The following PAK5 variants were observed in gnomAD, a reference collection of about 807,000 sequenced individuals.
The protein encoded by PAK5 is serine/threonine-protein kinase PAK 5.
In PAK5, 16 loss-of-function variants were observed where a neutral mutation model predicts 65.9. The observed-to-expected ratio is 0.24, with a 90% CI of 0.16 to 0.37. The LOEUF is 0.37. Ranked by LOEUF, PAK5 falls within the 10% of genes least tolerant of loss-of-function variation. PAK5 has a pLI of 1.00. For synonymous variants in PAK5, 371 were observed against 354.9 expected (o/e 1.05, Z -0.51); for missense variants, 785 against 903.9 (o/e 0.87, Z 1.69).
intron 3 of PAK5, among the ~76,000 whole-genome samples, chr20:9,588,303 G>A (rs144454620): frequency 1.3e-5 from 2 of 152,338 alleles, no homozygotes; most frequent in East Asian, 1.9e-4. Flanking sequence ...ACTAAGGCAT[G>A]TCCTAAGACA....
intron 2 of PAK5, among the ~76,000 whole-genome samples, chr20:9,644,650 G>A (rs888470701): frequency 6.6e-6 from 1 of 152,158 alleles, no homozygotes; most frequent in African/African-American, 2.4e-5. Flanking sequence ...GTTTTTGAAG[G>A]CATTGTATGT....
At chr20:9,818,261 A>T (rs573683029) in intron 1 of PAK5, among the ~76,000 whole-genome samples, 1 of 152,272 alleles carries the variant, frequency 6.6e-6, no homozygotes, top group South Asian at 2.1e-4. Flanking sequence ...GAATCCCATT[A>T]GGTCAGTTTA....
intron 1 of PAK5, among the ~76,000 whole-genome samples, chr20:9,809,338 T>TTTA (rs1317074275): frequency 6.6e-6 from 1 of 150,724 alleles, no homozygotes; most frequent in East Asian, 1.9e-4. Context: ...AATCCAAATT[T>TTTA]TTTTTTTTTT....
intron 1 of PAK5, among the ~76,000 whole-genome samples, chr20:9,777,058 AT>A (rs2048894530): frequency 6.6e-6 from 1 of 152,208 alleles, no homozygotes; most frequent in East Asian, 1.9e-4. Flanking sequence ...ATCTCTGAGA[AT>A]TTAACATTTC....
chr20:9,641,545 G>A (rs946822324), intron 3 of PAK5, among the ~76,000 whole-genome samples: 31 of 151,480 alleles, frequency 2.0e-4, no homozygotes, highest in Middle Eastern at 3.4e-3. Flanking sequence ...ATCCCGCACC[G>A]GGGCTGCAGG....
chr20:9,551,355 G>T (rs2045424858), intron 7 of PAK5, among the ~76,000 whole-genome samples: 1 of 152,136 alleles, frequency 6.6e-6, no homozygotes, highest in Admixed American at 6.5e-5. Flanking sequence ...CTAGTATGTT[G>T]TCCGCCCCCT....
intron 1 of PAK5, among the ~76,000 whole-genome samples, chr20:9,771,542 G>A (rs1421026834): frequency 6.6e-6 from 1 of 150,692 alleles, no homozygotes; most frequent in Non-Finnish European, 1.5e-5. Flanking sequence ...CAAGGAGCTG[G>A]GACTACAGGT....
chr20:9,662,318 G>C (rs991609394), intron 2 of PAK5, among the ~76,000 whole-genome samples: 7 of 152,040 alleles, frequency 4.6e-5, no homozygotes, highest in African/African-American at 1.7e-4. Context: ...CTAACAAGAA[G>C]ACTACCTAAA....
At chr20:9,566,592 T>C (rs1390567875) in intron 4 of PAK5, among the ~76,000 whole-genome samples, 1 of 151,956 alleles carries the variant, frequency 6.6e-6, no homozygotes, top group Non-Finnish European at 1.5e-5. Flanking sequence ...ACTTCACGTG[T>C]GTCATATCTA....
chr20:9,766,333 A>AATAT (rs1170764064), intron 1 of PAK5, among the ~76,000 whole-genome samples: 1 of 25,956 alleles, frequency 3.9e-5, no homozygotes, highest in Non-Finnish European at 6.4e-5. Context: ...TACTTACTTG[A>AATAT]ATATATATAT....
rs149341974 is a variant in PAK5, at chr20:9,730,014, AGAG to A, written c.-161-18582_-161-18580del. 6.8e-3 allele frequency among the ~76,000 whole-genome samples: 734 copies of A among 108,112 alleles called. 6 individuals are homozygous for A. Among genetic ancestry groups the A allele is most frequent in the African/African-American group, 0.024 (617 of 25,782 alleles). 70.9% of individuals were successfully genotyped at this position (108,112 alleles called of 152,430 possible). On this transcript the variant is annotated intron_variant, in intron 1 of 9. Coordinates refer to ENST00000353224, the MANE Select transcript of PAK5 (RefSeq NM_177990.4). ...GCAACAGGGAAAAAAAAAAAAAAAA[AGAG>A]AGAGAGAGAGAGAGAATTGTCTCGA...
At chr20:9,705,347 G>A (rs2047992931) in intron 2 of PAK5, among the ~76,000 whole-genome samples, 1 of 151,974 alleles carries the variant, frequency 6.6e-6, no homozygotes, top group Non-Finnish European at 1.5e-5. Flanking sequence ...TAGTAACCAG[G>A]GAAAATCAAA....
intron 4 of PAK5, among the ~76,000 whole-genome samples, chr20:9,578,399 A>G (rs1274418994): frequency 6.6e-6 from 1 of 152,210 alleles, no homozygotes; most frequent in Non-Finnish European, 1.5e-5. Flanking sequence ...CTTGACCTCT[A>G]AAACTATTTG....
intron 3 of PAK5, among the ~76,000 whole-genome samples, chr20:9,589,573 G>A (rs114371212): frequency 0.011 from 1,692 of 152,278 alleles, 29 homozygotes; most frequent in African/African-American, 0.037. Context: ...ATATTTCAGA[G>A]TGGAGGTAGT....
intron 1 of PAK5, among the ~76,000 whole-genome samples, chr20:9,831,577 G>C (rs1978719587): frequency 6.6e-6 from 1 of 152,140 alleles, no homozygotes; most frequent in Admixed American, 6.5e-5. Context: ...GTGCGATCTT[G>C]GCTCACTGCA....
At chr20:9,779,971 G>T (rs1451759536) in intron 1 of PAK5, among the ~76,000 whole-genome samples, 1 of 152,008 alleles carries the variant, frequency 6.6e-6, no homozygotes, top group Non-Finnish European at 1.5e-5. Context: ...ATAGTAAAAT[G>T]CATGCTTTAC....
intron 2 of PAK5, among the ~76,000 whole-genome samples, chr20:9,662,474 G>T (rs911350718): frequency 6.6e-6 from 1 of 152,116 alleles, no homozygotes; most frequent in African/African-American, 2.4e-5. Context: ...TTGCATCCAG[G>T]TACTGCCATG....
chr20:9,774,950 G>C (rs4622806), intron 1 of PAK5, among the ~76,000 whole-genome samples: 64,863 of 151,658 alleles, frequency 0.43, 13,965 homozygotes, highest in East Asian at 0.64. Flanking sequence ...AGCGAGACTC[G>C]GTCAAAAAAA....
chr20:9,575,388 A>G (rs6056711), intron 4 of PAK5, among the ~76,000 whole-genome samples: 29,816 of 152,104 alleles, frequency 0.2, 3,267 homozygotes, highest in African/African-American at 0.3. Context: ...AGAGATGATG[A>G]AACTGATGCA....
Sources: gnomAD v4.1 joint callset for allele counts (sites outside exome capture counted in the v4.1 genomes callset) on GRCh38, gnomAD v4.1.1 for gene constraint, MANE v1.5 for transcripts, NCBI Gene and HGNC (gene_info 2026-07-23, HGNC 2026-07-21) for gene names.